The following TTC7B variants were observed in gnomAD, a reference collection of about 807,000 sequenced individuals.
TTC7B encodes the protein tetratricopeptide repeat protein 7B.
TTC7B carries 28 observed loss-of-function variants against 106.8 expected under a neutral mutation model. The observed-to-expected ratio is 0.26, with a 90% CI of 0.19 to 0.36. The LOEUF is 0.36. TTC7B is among the 10% of genes least tolerant of loss of function. The probability of loss-of-function intolerance (pLI) is 1.00; values close to 1 mark genes in which losing one functional copy is unlikely to be tolerated. For synonymous variants in TTC7B, 405 were observed against 430.6 expected (o/e 0.94, Z 0.74); for missense variants, 862 against 1,076.4 (o/e 0.80, Z 2.79).
At position 90,805,206 on chromosome 14, in the gene TTC7B, G is replaced by A. The variant is rs572912210; in HGVS notation, c.121+10969C>T. Among the ~76,000 whole-genome samples, 7 of 152,176 alleles carry A rather than the reference G, an allele frequency of 4.6e-5. No individual in the cohort carries two copies. The highest frequency in any genetic ancestry group is 7.3e-5 in the Non-Finnish European group (5 of 68,032). ...AGTCCAGGGCCTCGGGCCAGTGGCTGGCACACAGTAGGTGTTCAGTAAGAG... is the reference window on the plus strand; with the variant it reads ...AGTCCAGGGCCTCGGGCCAGTGGCTAGCACACAGTAGGTGTTCAGTAAGAG... On this transcript the variant is annotated intron_variant, in intron 1 of 19. Transcript: ENST00000328459. The surrounding 1 kb of genome is among the most constrained non-coding windows in gnomAD (Gnocchi z 4.0).
intron 1 of TTC7B, among the ~76,000 whole-genome samples, chr14:90,806,519 ACAAGACTCCTGACTCAGT>A (rs1016115741): frequency 2.6e-5 from 4 of 152,162 alleles, no homozygotes; most frequent in Admixed American, 1.3e-4. Flanking sequence ...ACTTCCACAC[ACAAGACTCCTGACTCAGT>A]CAGGCTGCTT....
chr14:90,740,469 T>C (rs1481328425), intron 4 of TTC7B, among the ~76,000 whole-genome samples: 4 of 145,512 alleles, frequency 2.7e-5, no homozygotes, highest in Non-Finnish European at 6.0e-5. Flanking sequence ...AGTTACTGCA[T>C]AAACATTCCC....
At chr14:90,740,415 A>G (rs1889710271) in intron 4 of TTC7B, among the ~76,000 whole-genome samples, 1 of 151,784 alleles carries the variant, frequency 6.6e-6, no homozygotes, top group Admixed American at 6.6e-5. Flanking sequence ...ACGTTGTTCC[A>G]CTGGCTTCAG....
chr14:90,687,957 A>G (rs1320973050), intron 7 of TTC7B, among the ~76,000 whole-genome samples: 1 of 152,052 alleles, frequency 6.6e-6, no homozygotes, highest in Non-Finnish European at 1.5e-5. Context: ...AGAAATGCCG[A>G]CTCCTCTGAA....
chr14:90,702,705 C>T (rs531673466), intron 5 of TTC7B, among the ~76,000 whole-genome samples: 50 of 152,280 alleles, frequency 3.3e-4, no homozygotes, highest in African/African-American at 1.0e-3. Flanking sequence ...CCAGGAACTC[C>T]CTATGTAATT....
At chr14:90,559,555 C>T (rs143478230) in intron 19 of TTC7B, among the ~76,000 whole-genome samples, 5 of 152,272 alleles carry the variant, frequency 3.3e-5, no homozygotes, top group African/African-American at 4.8e-5. Flanking sequence ...CTCTAGAGAA[C>T]GGGGAAGAGG....
At chr14:90,713,012 C>T (rs1434752919) in intron 5 of TTC7B, among the ~76,000 whole-genome samples, 1 of 152,028 alleles carries the variant, frequency 6.6e-6, no homozygotes, top group East Asian at 1.9e-4. Flanking sequence ...TCAATGCAAT[C>T]CAACGTGAAA....
At chr14:90,815,265 T>A (rs2031105855) in intron 1 of TTC7B, among the ~76,000 whole-genome samples, 1 of 152,138 alleles carries the variant, frequency 6.6e-6, no homozygotes, top group African/African-American at 2.4e-5. Context: ...ATATTAAAGA[T>A]ACTCGCTTCC....
chr14:90,572,377 A>G (rs1466011675), intron 19 of TTC7B, among the ~76,000 whole-genome samples: 2 of 152,210 alleles, frequency 1.3e-5, no homozygotes, highest in East Asian at 3.9e-4. Flanking sequence ...GTCATAATCC[A>G]TAAGACATAT....
chr14:90,701,558 T>C (rs1446871271), intron 5 of TTC7B, among the ~76,000 whole-genome samples: 1 of 151,946 alleles, frequency 6.6e-6, no homozygotes, highest in African/African-American at 2.4e-5. Context: ...GCCCTTCACC[T>C]GTCCCCTCCA....
At position 90,805,725 on chromosome 14, in the gene TTC7B, G is replaced by C. The variant is rs915436955; in HGVS notation, c.121+10450C>G. On this transcript the variant is annotated intron_variant, in intron 1 of 19. Coordinates refer to ENST00000328459, the MANE Select transcript of TTC7B (RefSeq NM_001010854.2). The surrounding 1 kb of genome is among the most constrained non-coding windows in gnomAD (Gnocchi z 4.0). ...GTATACAGAGATAAAGCCTGAAGCC[G>C]AATAGAGACCACTAGTGAGACTCTC... Among the ~76,000 whole-genome samples, 1 of 152,234 alleles carries C rather than the reference G, an allele frequency of 6.6e-6. No individual in the cohort carries two copies. Among genetic ancestry groups the C allele is most frequent in the Non-Finnish European group, 1.5e-5 (1 of 68,046 alleles).
At chr14:90,631,301 C>G (rs1679883906) in intron 15 of TTC7B, among the ~76,000 whole-genome samples, 2 of 152,000 alleles carry the variant, frequency 1.3e-5, no homozygotes, top group Non-Finnish European at 2.9e-5. Context: ...TCCCTGTTTT[C>G]AATTCTTTTG....
Position 90,780,845 on chromosome 14 carries a change from T to C in TTC7B, c.338A>G (p.Tyr113Cys). 1.2e-6 allele frequency: 2 copies of C among 1,614,248 alleles called. No individual in the cohort carries two copies. Among genetic ancestry groups the C allele is most frequent in the Non-Finnish European group, 1.7e-6 (2 of 1,180,024 alleles). The change falls in exon 3 of 20, where the codon TAT (tyrosine) becomes TGT (cysteine). Residue 113 changes from tyrosine to cysteine, a missense_variant. Physicochemically the swap from Tyr to Cys is radical, Grantham distance 194 (BLOSUM62 -2). Transcript: ENST00000328459. ...MAKLNYVEGDYKEALNIYARV... is the reference protein window; with the variant it reads ...MAKLNYVEGDCKEALNIYARV... Reference sequence around the variant, plus strand: ...GGCGTAAATGTTCAGAGCTTCTTTATAATCACCTTCCACATAATTCAACTT... The same window carrying C: ...GGCGTAAATGTTCAGAGCTTCTTTACAATCACCTTCCACATAATTCAACTT...
At position 90,805,362 on chromosome 14, in the gene TTC7B, TCTC is replaced by T. The variant is rs1390477205; in HGVS notation, c.121+10810_121+10812del. ...CCTCTACCTCCCGGGTTCAGGCAAT[TCTC>T]CTGTTCTCCTGCCTCAGCCTCCCGC... On this transcript the variant is annotated intron_variant, in intron 1 of 19. Coordinates refer to ENST00000328459, the MANE Select transcript of TTC7B (RefSeq NM_001010854.2). The surrounding 1 kb of genome is among the most constrained non-coding windows in gnomAD (Gnocchi z 4.0). Among the ~76,000 whole-genome samples the T allele has an allele frequency of 6.6e-6, 1 of 152,106 alleles. No individual in the cohort carries two copies. Among genetic ancestry groups the T allele is most frequent in the African/African-American group, 2.4e-5 (1 of 41,426 alleles).
At chr14:90,659,980 T>C (rs144936115) in intron 9 of TTC7B, among the ~76,000 whole-genome samples, 264 of 152,000 alleles carry the variant, frequency 1.7e-3, no homozygotes, top group African/African-American at 6.2e-3. Context: ...ATCCTCCAGA[T>C]AAGGAGGAGA....
intron 5 of TTC7B, among the ~76,000 whole-genome samples, chr14:90,705,232 G>GT (rs1388938909): frequency 2.1e-4 from 32 of 152,314 alleles, no homozygotes; most frequent in Middle Eastern, 3.4e-3. Context: ...AAAGGTCACA[G>GT]TCACTGCCCA....
intron 7 of TTC7B, among the ~76,000 whole-genome samples, chr14:90,686,780 T>G (rs192054658): frequency 1.3e-5 from 2 of 152,324 alleles, no homozygotes; most frequent in African/African-American, 2.4e-5. Context: ...CACGCACGTG[T>G]GCACACACAT....
chr14:90,567,558 A>G (rs1890851602), intron 19 of TTC7B: 1 of 152,150 alleles, frequency 6.6e-6, no homozygotes. Flanking sequence ...GCCCTGGAGG[A>G]GTTCAGAGAG....
chr14:90,789,541 C>T (rs1308993236), intron 1 of TTC7B, among the ~76,000 whole-genome samples: 2 of 151,146 alleles, frequency 1.3e-5, no homozygotes, highest in Non-Finnish European at 3.0e-5. Context: ...TGGACAACAT[C>T]GCAAGAAAAA....
Sources: gnomAD v4.1 joint callset for allele counts (sites outside exome capture counted in the v4.1 genomes callset) on GRCh38, gnomAD v4.1.1 for gene constraint, Gnocchi (gnomAD v3.1) non-coding constraint, MANE v1.5 for transcripts, NCBI Gene and HGNC (gene_info 2026-07-23, HGNC 2026-07-21) for gene names.